ARL14EP: variants seen among roughly 807,000 people sequenced by gnomAD.
ARL14EP encodes the protein ARL14 effector protein.
Under a neutral mutation model 23.1 loss-of-function variants are expected in ARL14EP, and 12 were observed. The ratio of observed to expected loss-of-function variants is 0.52; its 90% CI spans 0.33 to 0.84. The LOEUF is 0.84. Ranked by LOEUF, ARL14EP falls within the 40% of genes least tolerant of loss-of-function variation. ARL14EP has a pLI of 0.02. For synonymous variants in ARL14EP, 97 were observed against 102.0 expected (o/e 0.95, Z 0.29); for missense variants, 253 against 307.3 (o/e 0.82, Z 1.32).
At chr11:30,324,267 C>A (rs938777399) in intron 1 of ARL14EP, among the ~76,000 whole-genome samples, 4 of 152,070 alleles carry the variant, frequency 2.6e-5, no homozygotes, top group African/African-American at 9.7e-5. Flanking sequence ...TTTCATAAAA[C>A]ATTTCATGAA....
chr11:30,325,516 A>G (rs536451294), intron 1 of ARL14EP, among the ~76,000 whole-genome samples: 69 of 152,296 alleles, frequency 4.5e-4, no homozygotes, highest in African/African-American at 1.6e-3. Flanking sequence ...ATTATTTGAC[A>G]TTGAAAAGTA....
rs1318097219 is a variant in ARL14EP at position 30,337,628 on chromosome 11, GA to G, written c.*834del. ...AAGACAGATACGTCCCAGAGGAAGTGATGGTTAAAAAAAAAAAACTTTACAT... is the reference window on the plus strand; with the variant it reads ...AAGACAGATACGTCCCAGAGGAAGTGTGGTTAAAAAAAAAAAACTTTACAT... On this transcript the variant is annotated 3_prime_UTR_variant, in exon 4 of 4. Transcript: ENST00000282032. 7.5e-6 allele frequency: 1 copy of G among 133,928 alleles called. No homozygotes were observed. Among genetic ancestry groups the G allele is most frequent in the Non-Finnish European group, 1.6e-5 (1 of 63,842 alleles). The allele number at this position is 133,928 out of a possible 1,614,324, so 8.3% of individuals were successfully genotyped here.
chr11:30,330,593 G>C (rs892032079), intron 1 of ARL14EP: 2 of 213,490 alleles, frequency 9.4e-6, no homozygotes, highest in African/African-American at 4.7e-5. Flanking sequence ...AGTTCTAATA[G>C]TTTGTTAAAC....
At chr11:30,326,996 A>C (rs796843077) in intron 1 of ARL14EP, among the ~76,000 whole-genome samples, 4 of 152,360 alleles carry the variant, frequency 2.6e-5, no homozygotes, top group African/African-American at 7.2e-5. Context: ...CTGAAATTCA[A>C]ATCTAACAGG....
intron 1 of ARL14EP, among the ~76,000 whole-genome samples, chr11:30,326,675 C>T (rs143402251): frequency 5.3e-5 from 8 of 152,254 alleles, no homozygotes; most frequent in Non-Finnish European, 1.2e-4. Flanking sequence ...CAAACAGTGA[C>T]CACTTAGGAT....
chr11:30,330,842 TA>T, intron 1 of ARL14EP, 43 bp from the exon 2 acceptor site: 1 of 1,067,992 alleles, frequency 9.4e-7, no homozygotes, highest in Non-Finnish European at 1.4e-6. Flanking sequence ...GTTTCCTAGA[TA>T]AACTTGCAGC....
In ARL14EP at chr11:30,332,929, G is replaced by T. The variant is rs372258835; in HGVS notation, c.490G>T (p.Ala164Ser). Residue 164 changes from alanine (A) to serine (S), a missense_variant, in exon 3 of 4, where the codon GCT becomes TCT. By Grantham distance (99) the Ala-to-Ser change is moderately conservative. Coordinates refer to ENST00000282032, the MANE Select transcript of ARL14EP (RefSeq NM_152316.3). ...FTNPGRQTEFAPETGKREKRR... is the reference protein window; with the variant it reads ...FTNPGRQTEFSPETGKREKRR... ...GAATCCAGGAAGGCAAACTGAATTT[G>T]CTCCAGAAACTGGTAAAAGAGAAAA... 8.7e-6 allele frequency: 14 copies of T among 1,613,536 alleles called. No individual in the cohort carries two copies. Among genetic ancestry groups the T allele is most frequent in the Non-Finnish European group, 1.1e-5 (13 of 1,179,736 alleles).
chr11:30,336,973 A>C lies in ARL14EP; in HGVS notation c.*178A>C. 1.5e-6 allele frequency: 1 copy of C among 652,600 alleles called. No individual in the cohort carries two copies. Among genetic ancestry groups the C allele is most frequent in the Admixed American group, 2.5e-5 (1 of 40,056 alleles). The allele number at this position is 652,600 out of a possible 1,614,324, so 40.4% of individuals were successfully genotyped here. On this transcript the variant is annotated 3_prime_UTR_variant, in exon 4 of 4. Transcript: ENST00000282032. ...TATTTGATATAAATTCAGATAGGCT[A>C]TTTTTCAGTAGTCAGCGTTAAGCCT...
At chr11:30,333,384 TAAGC>T (rs1947301470) in intron 3 of ARL14EP, among the ~76,000 whole-genome samples, 1 of 152,198 alleles carries the variant, frequency 6.6e-6, no homozygotes, top group Admixed American at 6.5e-5. Context: ...AACTCGGTGG[TAAGC>T]AAGTCTATTG....
intron 2 of ARL14EP, among the ~76,000 whole-genome samples, chr11:30,332,562 G>A (rs1165200486): frequency 2.0e-5 from 3 of 152,136 alleles, no homozygotes; most frequent in Non-Finnish European, 4.4e-5. Context: ...CAGTTTTTGT[G>A]CCTTCTCTCC....
intron 1 of ARL14EP, among the ~76,000 whole-genome samples, chr11:30,323,796 C>T (rs963021197): frequency 6.6e-6 from 1 of 152,136 alleles, no homozygotes. Flanking sequence ...ATGATAACAA[C>T]AGCTCTAGGC....
intron 1 of ARL14EP, 110 bp from the exon 2 acceptor site, chr11:30,330,776 T>C (rs1299190391): frequency 1.6e-6 from 1 of 642,082 alleles, no homozygotes; most frequent in Non-Finnish European, 2.7e-6. Context: ...ATAAATACCT[T>C]TTTTATTCCT....
chr11:30,336,084 G>A (rs189196603), intron 3 of ARL14EP, among the ~76,000 whole-genome samples: 145 of 152,082 alleles, frequency 9.5e-4, no homozygotes, highest in Non-Finnish European at 1.8e-3. Context: ...TATATGCCAT[G>A]TATTCCATCT....
At chr11:30,325,100 G>T (rs1947227179) in intron 1 of ARL14EP, among the ~76,000 whole-genome samples, 1 of 152,196 alleles carries the variant, frequency 6.6e-6, no homozygotes, top group South Asian at 2.1e-4. Context: ...CAAAAGATCT[G>T]CAAGAATCTC....
At chr11:30,336,362 A>G (rs1210035258) in intron 3 of ARL14EP, among the ~76,000 whole-genome samples, 1 of 151,694 alleles carries the variant, frequency 6.6e-6, no homozygotes, top group Non-Finnish European at 1.5e-5. Context: ...TTGTCTCAAC[A>G]CTCTATAGAG....
chr11:30,334,098 G>A (rs73457826), intron 3 of ARL14EP, among the ~76,000 whole-genome samples: 74 of 151,972 alleles, frequency 4.9e-4, no homozygotes, highest in African/African-American at 1.7e-3. Flanking sequence ...GTTGGTTTAT[G>A]AGGGTAAGGA....
intron 3 of ARL14EP, 140 bp downstream of exon 3, chr11:30,333,133 C>T (rs1219955530): frequency 2.6e-6 from 3 of 1,153,652 alleles, no homozygotes; most frequent in Non-Finnish European, 3.6e-6. Context: ...CTATGAAGGC[C>T]TTTGTTTTTA....
chr11:30,335,776 A>ATGTGTG (rs10601449), intron 3 of ARL14EP, among the ~76,000 whole-genome samples: 239 of 147,102 alleles, frequency 1.6e-3, no homozygotes, highest in African/African-American at 5.5e-3. Flanking sequence ...ATATATATAT[A>ATGTGTG]TGTGTGTGTG....
At chr11:30,333,325 T>G (rs1947300670) in intron 3 of ARL14EP, among the ~76,000 whole-genome samples, 1 of 152,196 alleles carries the variant, frequency 6.6e-6, no homozygotes, top group African/African-American at 2.4e-5. Context: ...GTGCTTCACT[T>G]TATTCTTTAC....
Sources: gnomAD v4.1 joint callset for allele counts (sites outside exome capture counted in the v4.1 genomes callset) on GRCh38, gnomAD v4.1.1 for gene constraint, MANE v1.5 for transcripts, NCBI Gene and HGNC (gene_info 2026-07-23, HGNC 2026-07-21) for gene names.